The following REV3L variants were observed in gnomAD, a reference collection of about 807,000 sequenced individuals.
REV3L encodes DNA polymerase zeta catalytic subunit.
REV3L carries 69 observed loss-of-function variants against 299.4 expected under a neutral mutation model. The observed-to-expected ratio is 0.23, with a 90% confidence interval of 0.19 to 0.28. The LOEUF is 0.28. Ranked by LOEUF, REV3L falls within the 10% of genes least tolerant of loss-of-function variation. REV3L has a pLI of 1.00. For synonymous variants in REV3L, 1,238 were observed against 1,271.4 expected, an observed-to-expected ratio of 0.97 and a Z score of 0.56; for missense variants, 3,128 against 3,693.8, an observed-to-expected ratio of 0.85 and a Z score of 3.97.
At chr6:111,470,933 T>C (rs558876798) in intron 1 of REV3L, among the ~76,000 whole-genome samples, 75 of 148,916 alleles carry the variant, frequency 5.0e-4, no homozygotes, top group African/African-American at 1.7e-3. Flanking sequence ...GGAGCCAAGA[T>C]TGTGCCACTA....
chr6:111,304,735 C>T (rs1397123301), intron 31 of REV3L, among the ~76,000 whole-genome samples: 1 of 150,920 alleles, frequency 6.6e-6, no homozygotes, highest in East Asian at 2.0e-4. Context: ...TAGTATCTGA[C>T]AGGTGGTTTT....
chr6:111,405,728 G>A (rs1582868091), intron 3 of REV3L, 98 bp from the exon 4 acceptor site: 1 of 715,804 alleles, frequency 1.4e-6, no homozygotes, highest in East Asian at 3.2e-5. Flanking sequence ...GCACTTATTA[G>A]CACACAAAAT....
At chr6:111,329,070 G>C (rs1775116661) in intron 25 of REV3L, among the ~76,000 whole-genome samples, 1 of 149,068 alleles carries the variant, frequency 6.7e-6, no homozygotes, top group Admixed American at 6.7e-5. Context: ...TTGAGACCAA[G>C]TCTCATTCTG....
At chr6:111,379,558 T>G (rs988864491) in intron 11 of REV3L, among the ~76,000 whole-genome samples, 2 of 152,224 alleles carry the variant, frequency 1.3e-5, no homozygotes. Flanking sequence ...TATTTATTTG[T>G]TTTTAACCTT....
rs557431202 is a variant in REV3L, at chr6:111,361,102, G to T, written c.6880-2088C>A. On this transcript the variant is annotated intron_variant, in intron 16 of 31. Coordinates refer to ENST00000368802, the MANE Select transcript of REV3L (RefSeq NM_001372078.1). The stretch of plus-strand genomic sequence containing the variant: ...TCATTAGAAAGGGATGAACATATGA[G>T]GCCGGGCACGGTGGCTTATGCCTGT... Among the ~76,000 whole-genome samples the T allele has an allele frequency of 4.6e-5, 7 of 151,780 alleles. No homozygotes were observed. The East Asian group carries it at 1.4e-3, about 30-fold the overall frequency.
chr6:111,406,337 A>C (rs1783619442), intron 3 of REV3L, among the ~76,000 whole-genome samples: 1 of 152,224 alleles, frequency 6.6e-6, no homozygotes, highest in Non-Finnish European at 1.5e-5. Context: ...ACTGTGACCT[A>C]GTGTCAGAGG....
intron 1 of REV3L, among the ~76,000 whole-genome samples, chr6:111,449,077 A>C (rs1223882579): frequency 6.6e-6 from 1 of 152,196 alleles, no homozygotes; most frequent in Non-Finnish European, 1.5e-5. Flanking sequence ...CTTAAACTTT[A>C]AAAACGAGTA....
chr6:111,313,161 T>TCAGGG (rs1773159599), intron 28 of REV3L, 191 bp downstream of exon 28: 2 of 464,452 alleles, frequency 4.3e-6, no homozygotes, highest in Admixed American at 8.6e-5. Context: ...AGACCCTGTC[T>TCAGGG]CAAACAAACA....
intron 1 of REV3L, among the ~76,000 whole-genome samples, chr6:111,440,289 A>T (rs1247106154): frequency 6.6e-6 from 1 of 152,094 alleles, no homozygotes. Context: ...GGCTGGTCTC[A>T]AACTCCCAAC....
chr6:111,333,452 T>G, intron 22 of REV3L, 85 bp from the exon 23 acceptor site: 1 of 1,504,356 alleles, frequency 6.6e-7, no homozygotes, highest in Non-Finnish European at 9.0e-7. Context: ...GAGGATAATC[T>G]GCTTTTCAGA....
At chr6:111,446,691 ACT>A (rs906527338) in intron 1 of REV3L, among the ~76,000 whole-genome samples, 15 of 144,182 alleles carry the variant, frequency 1.0e-4, no homozygotes, top group African/African-American at 3.1e-4. Context: ...ACGGAGTGAG[ACT>A]CTGTCTCAAA....
intron 1 of REV3L, among the ~76,000 whole-genome samples, chr6:111,432,953 G>A (rs931934010): frequency 9.2e-5 from 14 of 152,068 alleles, no homozygotes; most frequent in African/African-American, 3.4e-4. Context: ...TGACCAATGG[G>A]TCAATAAAGA....
At chr6:111,363,522 A>G (rs1480185927) in intron 16 of REV3L, among the ~76,000 whole-genome samples, 1 of 151,916 alleles carries the variant, frequency 6.6e-6, no homozygotes, top group East Asian at 1.9e-4. Flanking sequence ...GTAGCCCAGG[A>G]TAGTCTTAAA....
intron 1 of REV3L, among the ~76,000 whole-genome samples, chr6:111,427,587 A>C (rs1786333058): frequency 6.6e-6 from 1 of 152,212 alleles, no homozygotes. Context: ...TGAGCAAAAG[A>C]AAGCAAATTA....
At chr6:111,397,813 T>G (rs1459465027) in intron 4 of REV3L, among the ~76,000 whole-genome samples, 1 of 151,970 alleles carries the variant, frequency 6.6e-6, no homozygotes, top group Non-Finnish European at 1.5e-5. Flanking sequence ...ATTTTTATCT[T>G]TTTTGTAAAG....
intron 1 of REV3L, among the ~76,000 whole-genome samples, chr6:111,482,213 T>G (rs530483323): frequency 6.6e-6 from 1 of 152,178 alleles, no homozygotes; most frequent in Non-Finnish European, 1.5e-5. Flanking sequence ...CAAGCGCCAC[T>G]CTCTCCGGCC....
chr6:111,430,759 G>T (rs542979667), intron 1 of REV3L: 1 of 1,590,844 alleles, frequency 6.3e-7, no homozygotes, highest in East Asian at 2.2e-5. Flanking sequence ...ATAATTTAGA[G>T]AGAGCGCAGG....
At chr6:111,321,107 CTCTTTACTGACTAGTTGCAAGA>C (rs148607279) in intron 26 of REV3L, among the ~76,000 whole-genome samples, 5,428 of 152,250 alleles carry the variant, frequency 0.036, 320 homozygotes, top group African/African-American at 0.12. Context: ...CAATTTATGG[CTCTTTACTGACTAGTTGCAAGA>C]TCTTAAATTT....
chr6:111,479,408 T>A (rs1793340750), intron 1 of REV3L, among the ~76,000 whole-genome samples: 1 of 152,002 alleles, frequency 6.6e-6, no homozygotes, highest in Non-Finnish European at 1.5e-5. Context: ...ATAACTCAGA[T>A]GAAGAAACTT....
Sources: allele counts gnomAD v4.1 joint callset (sites outside exome capture counted in the v4.1 genomes callset), GRCh38; gene constraint gnomAD v4.1.1; transcripts MANE v1.5; gene names NCBI Gene and HGNC (gene_info 2026-07-23, HGNC 2026-07-21).